ZBTB16: variants seen among roughly 807,000 people sequenced by gnomAD.
ZBTB16 encodes zinc finger and BTB domain containing 16.
In ZBTB16, 8 loss-of-function variants were observed where a neutral mutation model predicts 56.8. That is an observed-to-expected ratio of 0.14 (90% CI 0.08 to 0.25). ZBTB16 has a LOEUF of 0.25. Ranked by LOEUF, ZBTB16 falls within the 10% of genes least tolerant of loss-of-function variation. The pLI is 1.00. For missense variants in ZBTB16, 625 were observed against 903.0 expected, an observed-to-expected ratio of 0.69 and a Z score of 3.95; for synonymous variants, 363 against 368.5, an observed-to-expected ratio of 0.98 and a Z score of 0.17.
chr11:114,228,171 A>G (rs563622373), intron 4 of ZBTB16, among the ~76,000 whole-genome samples: 1 of 152,262 alleles, frequency 6.6e-6, no homozygotes, highest in African/African-American at 2.4e-5. Context: ...AACTTGAAAT[A>G]CAAATATCAA....
chr11:114,145,301 T>C (rs1942071269), intron 2 of ZBTB16, among the ~76,000 whole-genome samples: 1 of 152,250 alleles, frequency 6.6e-6, no homozygotes, highest in South Asian at 2.1e-4. Flanking sequence ...AGCTGGCAAT[T>C]CCACTCCTAG....
chr11:114,250,997 C>T lies in ZBTB16; in HGVS notation c.*442C>T, dbSNP rs1277809070. Reference sequence around the variant, plus strand: ...GGAGGGAGGAGGTGAGCCAGAAGGGCGCTCCCCTGCTGATGGGTCTGGGCT... The same window carrying T: ...GGAGGGAGGAGGTGAGCCAGAAGGGTGCTCCCCTGCTGATGGGTCTGGGCT... On this transcript the variant is annotated 3_prime_UTR_variant, in exon 7 of 7. Coordinates refer to ENST00000335953, the MANE Select transcript of ZBTB16 (RefSeq NM_006006.6). The surrounding 1 kb of genome is among the most constrained non-coding windows in gnomAD (Gnocchi z 6.0). Among the ~76,000 whole-genome samples, 6 of 152,088 alleles carry T rather than the reference C, an allele frequency of 3.9e-5. No individual in the cohort carries two copies. The highest frequency in any genetic ancestry group is 2.1e-4 in the South Asian group (1 of 4,810).
intron 2 of ZBTB16, among the ~76,000 whole-genome samples, chr11:114,139,480 T>C (rs992572037): frequency 6.6e-6 from 1 of 152,214 alleles, no homozygotes; most frequent in Non-Finnish European, 1.5e-5. Flanking sequence ...ATTTTCTAAA[T>C]GAAACTTGCA....
At chr11:114,067,545 T>C (rs1263546210) in intron 2 of ZBTB16, among the ~76,000 whole-genome samples, 1 of 152,196 alleles carries the variant, frequency 6.6e-6, no homozygotes, top group Non-Finnish European at 1.5e-5. Flanking sequence ...CAGCTGGGAC[T>C]ACAGATGTGT....
intron 2 of ZBTB16, among the ~76,000 whole-genome samples, chr11:114,089,078 A>G (rs1433664015): frequency 1.3e-5 from 2 of 152,158 alleles, no homozygotes; most frequent in Non-Finnish European, 2.9e-5. Context: ...TACCCACGTG[A>G]TTGGGCCACA....
chr11:114,076,319 C>T (rs909017750), intron 2 of ZBTB16, among the ~76,000 whole-genome samples: 2 of 152,270 alleles, frequency 1.3e-5, no homozygotes, highest in East Asian at 1.9e-4. Flanking sequence ...GCCAGCGAGT[C>T]GGGCGGCTGG....
At chr11:114,076,762 C>T (rs1939582304) in intron 2 of ZBTB16, among the ~76,000 whole-genome samples, 1 of 152,028 alleles carries the variant, frequency 6.6e-6, no homozygotes, top group Non-Finnish European at 1.5e-5. Flanking sequence ...CTGGACTTGT[C>T]AGGGATGCAG....
chr11:114,089,553 C>T (rs958686389), intron 2 of ZBTB16, among the ~76,000 whole-genome samples: 5 of 152,084 alleles, frequency 3.3e-5, no homozygotes, highest in African/African-American at 1.2e-4. Flanking sequence ...CCTCTGATTC[C>T]AAAGATGGGG....
chr11:114,182,917 A>G (rs1943281197), intron 3 of ZBTB16, among the ~76,000 whole-genome samples: 1 of 152,192 alleles, frequency 6.6e-6, no homozygotes, highest in Admixed American at 6.5e-5. Context: ...TTATCGATCA[A>G]AGCTTGGCGA....
chr11:114,092,245 G>A (rs528835654), intron 2 of ZBTB16, among the ~76,000 whole-genome samples: 4 of 152,202 alleles, frequency 2.6e-5, no homozygotes, highest in Non-Finnish European at 4.4e-5. Flanking sequence ...GGGGGCACCC[G>A]GAGCACTGAA....
chr11:114,065,690 C>G (rs908814749), intron 2 of ZBTB16, among the ~76,000 whole-genome samples: 2 of 152,176 alleles, frequency 1.3e-5, no homozygotes, highest in South Asian at 2.1e-4. Context: ...TGCTGGATTA[C>G]AGGTATGAGC....
At chr11:114,126,294 G>A (rs1050864315) in intron 2 of ZBTB16, among the ~76,000 whole-genome samples, 6 of 152,188 alleles carry the variant, frequency 3.9e-5, no homozygotes, top group African/African-American at 1.4e-4. Flanking sequence ...TGATCTAGAA[G>A]GAGCCATAAA....
chr11:114,062,075 G>A (rs899548474), intron 1 of ZBTB16, among the ~76,000 whole-genome samples: 2 of 151,504 alleles, frequency 1.3e-5, no homozygotes, highest in African/African-American at 2.4e-5. Flanking sequence ...GACACCTTAC[G>A]TAAGTGTGTG....
intron 4 of ZBTB16, among the ~76,000 whole-genome samples, chr11:114,205,963 G>A (rs950286421): frequency 6.6e-6 from 1 of 152,100 alleles, no homozygotes; most frequent in African/African-American, 2.4e-5. Context: ...CCAGACAAGT[G>A]GTCTAGAGGG....
At chr11:114,181,780 C>G (rs973090225) in intron 3 of ZBTB16, among the ~76,000 whole-genome samples, 24 of 152,150 alleles carry the variant, frequency 1.6e-4, no homozygotes, top group African/African-American at 4.6e-4. Flanking sequence ...GTCTAGCGCA[C>G]TTTATCTTCT....
chr11:114,092,003 G>A (rs571293968), intron 2 of ZBTB16, among the ~76,000 whole-genome samples: 6 of 152,304 alleles, frequency 3.9e-5, no homozygotes, highest in African/African-American at 1.4e-4. Context: ...CTGCCCCTCG[G>A]TGCCCAGTGG....
At chr11:114,111,378 T>A (rs1941000177) in intron 2 of ZBTB16, among the ~76,000 whole-genome samples, 1 of 152,236 alleles carries the variant, frequency 6.6e-6, no homozygotes, top group South Asian at 2.1e-4. Flanking sequence ...TATTTCTTTC[T>A]TCCCTCCATT....
intron 2 of ZBTB16, among the ~76,000 whole-genome samples, chr11:114,130,279 G>A (rs1941626139): frequency 1.3e-5 from 2 of 152,334 alleles, no homozygotes; most frequent in East Asian, 1.9e-4. Flanking sequence ...TCCGCCAGCT[G>A]CATTGTCTTT....
chr11:114,236,923 G>T (rs1944604797), intron 4 of ZBTB16, among the ~76,000 whole-genome samples: 1 of 152,228 alleles, frequency 6.6e-6, no homozygotes, highest in Non-Finnish European at 1.5e-5. Context: ...AGATGGTGTT[G>T]TTGGCACTGA....
Sources: allele counts gnomAD v4.1 joint callset (sites outside exome capture counted in the v4.1 genomes callset), GRCh38; gene constraint gnomAD v4.1.1; non-coding constraint Gnocchi (gnomAD v3.1); transcripts MANE v1.5; gene names NCBI Gene and HGNC (gene_info 2026-07-23, HGNC 2026-07-21).